The following OPHN1 variants were observed in gnomAD, a reference collection of about 807,000 sequenced individuals.
OPHN1 encodes oligophrenin 1.
In OPHN1, 11 loss-of-function variants were observed where a neutral mutation model predicts 60.7. The ratio of observed to expected loss-of-function variants is 0.18; its 90% CI spans 0.11 to 0.30. The LOEUF (loss-of-function observed/expected upper bound fraction) is 0.30, where lower values mean the gene tolerates loss of function less well. OPHN1 is among the 10% of genes least tolerant of loss of function. The probability of loss-of-function intolerance (pLI) is 1.00; values close to 1 mark genes in which losing one functional copy is unlikely to be tolerated. For synonymous variants in OPHN1, 226 were observed against 222.6 expected (o/e 1.02, Z -0.14); for missense variants, 449 against 611.0 (o/e 0.73, Z 2.80).
intron 11 of OPHN1, among the ~76,000 whole-genome samples, chrX:68,200,244 T>C (rs1391301420): frequency 9.0e-6 from 1 of 111,709 alleles, no homozygotes; most frequent in Non-Finnish European, 1.9e-5. Flanking sequence ...ATATGATAAC[T>C]AAAAGTGTAG....
intron 2 of OPHN1, among the ~76,000 whole-genome samples, chrX:68,367,247 A>G (rs1160747742): frequency 9.2e-6 from 1 of 108,128 alleles, no homozygotes; most frequent in Non-Finnish European, 1.9e-5. Flanking sequence ...CCAGCTACTC[A>G]GGAGGCCGAG....
chrX:68,078,984 AAAATAAATAAATAAATAAAT>A (rs373187258), intron 19 of OPHN1, among the ~76,000 whole-genome samples: 2 of 102,032 alleles, frequency 2.0e-5, no homozygotes, highest in African/African-American at 3.7e-5. Context: ...AGACTGTCTC[AAAATAAATAAATAAATAAAT>A]AAATAAATAA....
chrX:68,189,106 A>C (rs1185884074), intron 15 of OPHN1, among the ~76,000 whole-genome samples: 1 of 111,957 alleles, frequency 8.9e-6, no homozygotes, highest in East Asian at 2.8e-4. Context: ...GATTGTGAGA[A>C]CAACACTTTC....
At position 68,272,315 on chromosome X, in the gene OPHN1, C is replaced by T. The variant is rs775280531; in HGVS notation, c.384+2423G>A. Among the ~76,000 whole-genome samples the T allele has an allele frequency of 9.9e-5, 11 of 111,505 alleles. No individual in the cohort carries two copies. In the East Asian group the frequency reaches 3.1e-3, roughly 32 times the overall value. ...ATACATATTTAACCTTTCTGAGACT[C>T]ACTTTCTTCATTGAGACAATGGATA... is the stretch of plus-strand genomic sequence containing the variant. On this transcript the variant is annotated intron_variant, in intron 5 of 24. Coordinates refer to ENST00000355520, the MANE Select transcript of OPHN1 (RefSeq NM_002547.3).
chrX:68,089,014 C>T (rs2077006228), intron 19 of OPHN1, among the ~76,000 whole-genome samples: 1 of 111,180 alleles, frequency 9.0e-6, no homozygotes, highest in Non-Finnish European at 1.9e-5. Flanking sequence ...TAGCAATGAC[C>T]CAGTTTTCAC....
chrX:68,219,412 G>C (rs1320475732), intron 6 of OPHN1, among the ~76,000 whole-genome samples: 21 of 103,315 alleles, frequency 2.0e-4, no homozygotes, highest in African/African-American at 7.1e-4. Flanking sequence ...ATTGAACTCA[G>C]CTCTGTACCA....
chrX:68,150,098 T>C (rs180761716), intron 15 of OPHN1, among the ~76,000 whole-genome samples: 50 of 111,618 alleles, frequency 4.5e-4, no homozygotes, highest in African/African-American at 1.5e-3. Flanking sequence ...ATGGGTGAGA[T>C]ATCCAGAACA....
At chrX:68,235,604 G>A (rs1240131291) in intron 5 of OPHN1, among the ~76,000 whole-genome samples, 2 of 108,821 alleles carry the variant, frequency 1.8e-5, no homozygotes, top group African/African-American at 3.3e-5. Context: ...TTGGGAGGCC[G>A]AGGCGGGCGG....
At chrX:68,214,923 G>A (rs185196038) in intron 6 of OPHN1, among the ~76,000 whole-genome samples, 1 of 111,711 alleles carries the variant, frequency 9.0e-6, no homozygotes, top group East Asian at 2.8e-4. Flanking sequence ...CTTGAACCTG[G>A]GAGGTGAAGA....
At chrX:68,226,679 C>A (rs1476932836) in intron 6 of OPHN1, among the ~76,000 whole-genome samples, 2 of 111,418 alleles carry the variant, frequency 1.8e-5, no homozygotes, top group Admixed American at 1.9e-4. Flanking sequence ...CAAGCAAATG[C>A]TGAGAGATTC....
At chrX:68,060,567 T>C (rs2076889333) in intron 21 of OPHN1, among the ~76,000 whole-genome samples, 1 of 112,342 alleles carries the variant, frequency 8.9e-6, no homozygotes, top group African/African-American at 3.2e-5. Context: ...TTGACTGTCA[T>C]GGAAAAAAGC....
At chrX:68,058,212 T>A (rs2076880384) in intron 21 of OPHN1, among the ~76,000 whole-genome samples, 1 of 109,759 alleles carries the variant, frequency 9.1e-6, no homozygotes, top group Non-Finnish European at 1.9e-5. Flanking sequence ...TGAACGGTAT[T>A]CAATATGGGG....
At chrX:68,410,433 A>T (rs2078763560) in intron 2 of OPHN1, among the ~76,000 whole-genome samples, 1 of 110,578 alleles carries the variant, frequency 9.0e-6, no homozygotes, top group South Asian at 3.9e-4. Context: ...GCAGTGGTTC[A>T]CGCCTGTAAT....
At chrX:68,374,881 T>C (rs183853136) in intron 2 of OPHN1, among the ~76,000 whole-genome samples, 1 of 112,109 alleles carries the variant, frequency 8.9e-6, no homozygotes, top group East Asian at 2.8e-4. Context: ...TCAACGTCAT[T>C]AGTCATTATG....
intron 2 of OPHN1, among the ~76,000 whole-genome samples, chrX:68,426,694 C>A (rs1262062940): frequency 9.5e-4 from 14 of 14,812 alleles, no homozygotes; most frequent in Non-Finnish European, 5.9e-3. Context: ...AGGACCGCAT[C>A]TCTCCAAAAA....
intron 2 of OPHN1, among the ~76,000 whole-genome samples, chrX:68,402,299 G>T (rs1036435133): frequency 8.8e-5 from 9 of 102,085 alleles, no homozygotes; most frequent in African/African-American, 2.9e-4. Flanking sequence ...AGAAAGAAAA[G>T]AAAAGAAAAG....
intron 15 of OPHN1, among the ~76,000 whole-genome samples, chrX:68,183,803 T>C (rs1197576280): frequency 8.9e-6 from 1 of 112,688 alleles, no homozygotes; most frequent in Non-Finnish European, 1.9e-5. Flanking sequence ...ATTAGCTTGT[T>C]TTCTCCTACT....
intron 21 of OPHN1, among the ~76,000 whole-genome samples, chrX:68,060,171 C>T (rs2076887900): frequency 9.0e-6 from 1 of 111,551 alleles, no homozygotes; most frequent in African/African-American, 3.3e-5. Flanking sequence ...AGGCAGTAAA[C>T]TCAAATGAAG....
At chrX:68,163,428 CTGTG>C (rs10549662) in intron 15 of OPHN1, among the ~76,000 whole-genome samples, 101 of 84,831 alleles carry the variant, frequency 1.2e-3, no homozygotes, top group East Asian at 1.4e-3. Context: ...AAAATCCATT[CTGTG>C]TGTGTGTGTG....
Sources: gnomAD v4.1 joint callset for allele counts (sites outside exome capture counted in the v4.1 genomes callset) on GRCh38, gnomAD v4.1.1 for gene constraint, MANE v1.5 for transcripts, NCBI Gene and HGNC (gene_info 2026-07-23, HGNC 2026-07-21) for gene names.